Variants in FAF1 observed in about 807,000 individuals in gnomAD.
FAF1 encodes Fas associated factor 1, also known as FAS-associated factor 1.
Under a neutral mutation model 92.5 loss-of-function variants are expected in FAF1, and 25 were observed. The observed-to-expected ratio is 0.27, with a 90% confidence interval of 0.20 to 0.38. The LOEUF is 0.38. Among genes scored for constraint, FAF1 ranks in the 10% least tolerant of loss-of-function variants. The pLI, the probability that FAF1 is intolerant of heterozygous loss-of-function variation, is 1.00. For synonymous variants in FAF1, 234 were observed against 273.2 expected (o/e 0.86, Z 1.42); for missense variants, 636 against 793.3 (o/e 0.80, Z 2.38).
chr1:50,589,976 C>A (rs1374876238), intron 9 of FAF1, among the ~76,000 whole-genome samples: 2 of 152,164 alleles, frequency 1.3e-5, no homozygotes, highest in Non-Finnish European at 2.9e-5. Flanking sequence ...TTGTCAAAAA[C>A]CATTTTATCA....
chr1:50,685,858 C>T (rs1222494670), intron 7 of FAF1, among the ~76,000 whole-genome samples: 2 of 152,146 alleles, frequency 1.3e-5, no homozygotes, highest in African/African-American at 2.4e-5. Flanking sequence ...GCAGATTTTC[C>T]CCAGAAATAC....
intron 1 of FAF1, among the ~76,000 whole-genome samples, chr1:50,880,409 C>T (rs1308846826): frequency 6.6e-6 from 1 of 152,050 alleles, no homozygotes; most frequent in African/African-American, 2.4e-5. Flanking sequence ...ATGTTAGAGC[C>T]CTAACTCCCA....
chr1:50,832,054 C>A (rs1644160093), intron 2 of FAF1, among the ~76,000 whole-genome samples: 1 of 151,866 alleles, frequency 6.6e-6, no homozygotes, highest in African/African-American at 2.4e-5. Context: ...CCAGATGGGA[C>A]CATCTAGTTG....
chr1:50,858,311 G>A (rs61782374), intron 1 of FAF1, among the ~76,000 whole-genome samples: 6,468 of 151,816 alleles, frequency 0.043, 209 homozygotes, highest in Non-Finnish European at 0.061. Flanking sequence ...ATTCTCATGG[G>A]CAACCACATG....
rs139687015 is a variant in FAF1, at chr1:50,792,271, T to C, written c.162-4066A>G. 1.2e-4 allele frequency among the ~76,000 whole-genome samples: 19 copies of C among 152,352 alleles called. No homozygotes were observed. The East Asian group carries it at 3.3e-3, about 26-fold the overall frequency. On this transcript the variant is annotated intron_variant, in intron 3 of 18. Coordinates refer to ENST00000396153, the MANE Select transcript of FAF1 (RefSeq NM_007051.3). ...AGCCTTTTTAAAAGTTTCTTACTTG[T>C]AACCATAGGTACAACTCTGCCAAGA... is the stretch of plus-strand genomic sequence containing the variant.
At chr1:50,535,820 A>G (rs1232075072) in intron 14 of FAF1, among the ~76,000 whole-genome samples, 3 of 152,196 alleles carry the variant, frequency 2.0e-5, no homozygotes, top group Non-Finnish European at 4.4e-5. Context: ...TTTATATATC[A>G]CTGATTAGGC....
At chr1:50,759,480 C>A (rs1053321446) in intron 4 of FAF1, among the ~76,000 whole-genome samples, 1 of 151,894 alleles carries the variant, frequency 6.6e-6, no homozygotes, top group African/African-American at 2.4e-5. Flanking sequence ...AGGACATGAA[C>A]TCATCATTTT....
intron 1 of FAF1, among the ~76,000 whole-genome samples, chr1:50,882,248 T>C (rs994268508): frequency 1.3e-5 from 2 of 152,060 alleles, no homozygotes; most frequent in Non-Finnish European, 2.9e-5. Context: ...ACAAGAATGG[T>C]AAATGTACAT....
chr1:50,867,434 C>T (rs1644490564), intron 1 of FAF1, among the ~76,000 whole-genome samples: 1 of 152,076 alleles, frequency 6.6e-6, no homozygotes, highest in Non-Finnish European at 1.5e-5. Flanking sequence ...GTAAATTATG[C>T]ATCCAACAAA....
At chr1:50,743,332 T>C (rs1344343107) in intron 5 of FAF1, among the ~76,000 whole-genome samples, 1 of 152,130 alleles carries the variant, frequency 6.6e-6, no homozygotes, top group Non-Finnish European at 1.5e-5. Context: ...TTTATTTTTA[T>C]TTATCTTTTT....
At chr1:50,790,674 T>C (rs1008740509) in intron 3 of FAF1, among the ~76,000 whole-genome samples, 9 of 152,110 alleles carry the variant, frequency 5.9e-5, no homozygotes, top group African/African-American at 2.2e-4. Flanking sequence ...ATCAGTATTG[T>C]ATGTATCTTC....
At position 50,530,253 on chromosome 1, in the gene FAF1, G is replaced by A. The variant is rs527426325; in HGVS notation, c.1494+5116C>T. On this transcript the variant is annotated intron_variant, in intron 15 of 18. Transcript: ENST00000396153. ...TTTAAGAAGTGGTGTGTGTGTGTGT[G>A]TGTGTGTGTGTGTGTGTGTGTGTAT... is the stretch of plus-strand genomic sequence containing the variant. Among the ~76,000 whole-genome samples the A allele has an allele frequency of 4.7e-5, 7 of 149,594 alleles. No homozygotes were observed. The East Asian group carries it at 1.4e-3, about 29-fold the overall frequency.
At chr1:50,562,619 CAA>C (rs1411243703) in intron 13 of FAF1, among the ~76,000 whole-genome samples, 7 of 152,216 alleles carry the variant, frequency 4.6e-5, no homozygotes, top group Non-Finnish European at 8.8e-5. Context: ...TTGGGTACAG[CAA>C]CTCTGTATAA....
chr1:50,674,116 A>G (rs959516105), intron 7 of FAF1, among the ~76,000 whole-genome samples: 2 of 152,004 alleles, frequency 1.3e-5, no homozygotes, highest in East Asian at 1.9e-4. Context: ...ACACCCAGCT[A>G]ATTTTTCTGT....
At chr1:50,874,754 CTTTCTT>C (rs1644556156) in intron 1 of FAF1, among the ~76,000 whole-genome samples, 4 of 100,804 alleles carry the variant, frequency 4.0e-5, no homozygotes, top group African/African-American at 1.4e-4. Context: ...ATTTTCTTTT[CTTTCTT>C]TTTTTTTTTT....
intron 8 of FAF1, among the ~76,000 whole-genome samples, chr1:50,651,625 C>G (rs1199243390): frequency 6.6e-6 from 1 of 152,178 alleles, no homozygotes; most frequent in Non-Finnish European, 1.5e-5. Context: ...GAAAGTTAAA[C>G]CATTCTAAGT....
intron 6 of FAF1, among the ~76,000 whole-genome samples, chr1:50,717,428 GA>G (rs1218946343): frequency 1.3e-5 from 2 of 152,152 alleles, no homozygotes; most frequent in Non-Finnish European, 2.9e-5. Flanking sequence ...ATGAGGGACT[GA>G]TTTTGTCAGC....
chr1:50,673,327 A>G (rs758759076), intron 7 of FAF1, among the ~76,000 whole-genome samples: 5 of 152,204 alleles, frequency 3.3e-5, no homozygotes, highest in Non-Finnish European at 5.9e-5. Flanking sequence ...TAATTTCCCA[A>G]TGGATGTATA....
intron 2 of FAF1, among the ~76,000 whole-genome samples, chr1:50,848,225 C>G (rs1644318552): frequency 6.6e-6 from 1 of 152,140 alleles, no homozygotes; most frequent in Admixed American, 6.5e-5. Context: ...AAACAGATAA[C>G]TGACTACCAG....
Sources: gnomAD v4.1 joint callset for allele counts (sites outside exome capture counted in the v4.1 genomes callset) on GRCh38, gnomAD v4.1.1 for gene constraint, MANE v1.5 for transcripts, NCBI Gene and HGNC (gene_info 2026-07-23, HGNC 2026-07-21) for gene names.